The following APC variants were observed in gnomAD, a reference collection of about 807,000 sequenced individuals.
APC encodes APC regulator of Wnt signaling pathway.
APC carries 72 observed loss-of-function variants against 247.0 expected under a neutral mutation model. That is an observed-to-expected ratio of 0.29 (90% CI 0.24 to 0.35). The LOEUF (loss-of-function observed/expected upper bound fraction) is 0.35. Ranked by LOEUF, APC falls within the 10% of genes least tolerant of loss-of-function variation. APC has a pLI of 1.00. For missense variants in APC, 3,400 were observed against 3,360.7 expected (o/e 1.01, Z -0.29); for synonymous variants, 1,254 against 1,162.5 (o/e 1.08, Z -1.60).
intron 1 of APC, among the ~76,000 whole-genome samples, chr5:112,711,558 A>T (rs763425500): frequency 1.3e-5 from 2 of 152,202 alleles, no homozygotes; most frequent in African/African-American, 2.4e-5. Context: ...AATGGGATTT[A>T]AAAATGAAAG....
chr5:112,844,248 AG>A lies in APC; in HGVS notation c.*125del, dbSNP rs1475210334. 2.1e-6 allele frequency: 2 copies of A among 950,790 alleles called. No individual in the cohort carries two copies. The highest frequency in any genetic ancestry group is 3.1e-6 in the Non-Finnish European group (2 of 641,768). The allele number at this position is 950,790 out of a possible 1,614,324, so 58.9% of individuals were successfully genotyped here. ...TGTAAATAGGTTTGATTCTTGTTAGAGGGTTTTTGTTCTGGAAGCCATATTT... is the reference window on the plus strand; with the variant it reads ...TGTAAATAGGTTTGATTCTTGTTAGAGGTTTTTGTTCTGGAAGCCATATTT... On this transcript the variant is annotated 3_prime_UTR_variant, in exon 16 of 16. Coordinates refer to ENST00000257430, the MANE Select transcript of APC (RefSeq NM_000038.6).
At chr5:112,831,112 A>AT (rs1561561374) in intron 14 of APC, among the ~76,000 whole-genome samples, 2 of 151,362 alleles carry the variant, frequency 1.3e-5, no homozygotes, top group Non-Finnish European at 2.9e-5. Flanking sequence ...CTCTTCTATA[A>AT]ATTTTTTTTT....
rs753228011 is a variant in APC at position 112,841,977 on chromosome 5, C to G, written c.6383C>G (p.Ala2128Gly). 4 of 1,613,338 alleles carry G rather than the reference C, an allele frequency of 2.5e-6. No individual in the cohort carries two copies. Among genetic ancestry groups the G allele is most frequent in the South Asian group, 2.2e-5 (2 of 91,064 alleles). Reference protein sequence around the residue: ...AAAAACLSRQASSDSDSILSL... With the variant: ...AAAAACLSRQGSSDSDSILSL... ...GCTGCTGCATGTTTATCTAGACAAG[C>G]TTCGTCTGATTCAGATTCCATCCTT... Residue 2128 changes from alanine (A) to glycine (G), a missense_variant, in exon 16 of 16, where the codon GCT becomes GGT. Physicochemically the swap from Ala to Gly is moderately conservative, Grantham distance 60 (BLOSUM62 0). This residue lies in a region of APC where 1,788 missense variants were observed against 1,649.5 expected (regional missense o/e 1.08). Transcript: ENST00000257430. This position sits in a 1 kb window ranked among gnomAD's most constrained non-coding sequence, Gnocchi z 4.6.
At chr5:112,774,718 C>A (rs576567803) in intron 4 of APC, among the ~76,000 whole-genome samples, 77 of 152,048 alleles carry the variant, frequency 5.1e-4, no homozygotes, top group Middle Eastern at 3.4e-3. Flanking sequence ...CTCAAGTGAT[C>A]CACCTGCCTC....
chr5:112,712,613 C>T (rs1475675225), intron 1 of APC, among the ~76,000 whole-genome samples: 1 of 150,394 alleles, frequency 6.6e-6, no homozygotes, highest in Non-Finnish European at 1.5e-5. Context: ...AGGCTGGTGT[C>T]AAACTCCTGG....
At chr5:112,794,684 GTTA>G (rs1304482613) in intron 7 of APC, among the ~76,000 whole-genome samples, 3 of 152,024 alleles carry the variant, frequency 2.0e-5, no homozygotes, top group African/African-American at 4.8e-5. Context: ...GCCCCAACAG[GTTA>G]AGAGCCGACT....
At position 112,838,141 on chromosome 5, in the gene APC, T is replaced by G. The variant is rs766086010; in HGVS notation, c.2547T>G (p.Asp849Glu). 5.0e-6 allele frequency: 8 copies of G among 1,614,158 alleles called. No individual in the cohort carries two copies. Among genetic ancestry groups the G allele is most frequent in the Non-Finnish European group, 6.8e-6 (8 of 1,180,028 alleles). Residue 849 changes from aspartate (D) to glutamate (E), a missense_variant, in exon 16 of 16, where the codon GAT (aspartate) becomes GAG (glutamate). Physicochemically the swap from Asp to Glu is conservative, Grantham distance 45. Around this residue, in one of 9 missense-constraint regions of APC, gnomAD observed 715 missense variants for 656.6 expected, o/e 1.09. Transcript: ENST00000257430. ...TAGATAGTTCTCGTTCTGAAAAAGA[T>G]AGAAGTTTGGAGAGAGAACGCGGAA... ...GSLDSSRSEK[D>E]RSLERERGIG... is the part of the protein sequence containing the mutation.
chr5:112,790,510 T>C (rs1238647230), intron 6 of APC, among the ~76,000 whole-genome samples: 1 of 152,108 alleles, frequency 6.6e-6, no homozygotes, highest in African/African-American at 2.4e-5. Context: ...TTTGTATTTT[T>C]AGTAGAGACG....
At chr5:112,749,495 T>C (rs1754060792) in intron 1 of APC, among the ~76,000 whole-genome samples, 1 of 143,434 alleles carries the variant, frequency 7.0e-6, no homozygotes, top group African/African-American at 2.8e-5. Context: ...TTTTTTTTTT[T>C]TTTTTTTGAT....
intron 8 of APC, among the ~76,000 whole-genome samples, chr5:112,804,692 T>A (rs1290781067): frequency 3.3e-5 from 5 of 152,182 alleles, no homozygotes; most frequent in Admixed American, 6.5e-5. Context: ...ACAACTTTTT[T>A]AATTTAAAAA....
chr5:112,815,746 G>A (rs990017297), intron 9 of APC, among the ~76,000 whole-genome samples, 153 bp downstream of exon 9: 1 of 152,070 alleles, frequency 6.6e-6, no homozygotes, highest in Admixed American at 6.6e-5. Flanking sequence ...GACCAGCCTG[G>A]GCAACGTGGC....
Position 112,838,385 on chromosome 5 carries a change from C to T in APC, c.2791C>T (p.His931Tyr), listed in dbSNP as rs1169039793. ...ALRRSSAAHT[H>Y]SNTYNFTKSE... ...TAGAAGAAGCTCTGCTGCCCATACACATTCAAACACTTACAATTTCACTAA... is the reference window on the plus strand; with the variant it reads ...TAGAAGAAGCTCTGCTGCCCATACATATTCAAACACTTACAATTTCACTAA... Residue 931 changes from histidine (H) to tyrosine (Y), a missense_variant, in exon 16 of 16, where the codon CAT (histidine) becomes TAT (tyrosine). By Grantham distance (83) the His-to-Tyr change is moderately conservative. Coordinates refer to ENST00000257430, the MANE Select transcript of APC (RefSeq NM_000038.6). The T allele has an allele frequency of 2.5e-6, 4 of 1,614,198 alleles. No individual in the cohort carries two copies. The highest frequency in any genetic ancestry group is 4.5e-5 in the East Asian group (2 of 44,888).
At chr5:112,709,204 T>TTA (rs1446489133) in intron 1 of APC, among the ~76,000 whole-genome samples, 1 of 152,200 alleles carries the variant, frequency 6.6e-6, no homozygotes, top group Non-Finnish European at 1.5e-5. Flanking sequence ...TGTATTAGAA[T>TTA]TGTATGTTAA....
intron 1 of APC, among the ~76,000 whole-genome samples, chr5:112,724,735 C>G (rs1386045507): frequency 6.6e-6 from 1 of 151,994 alleles, no homozygotes; most frequent in African/African-American, 2.4e-5. Flanking sequence ...TAAGAACCTT[C>G]CAGTAAATGA....
intron 1 of APC, among the ~76,000 whole-genome samples, chr5:112,754,658 T>G (rs1754753652): frequency 6.6e-6 from 1 of 152,230 alleles, no homozygotes; most frequent in Non-Finnish European, 1.5e-5. Context: ...TTCTCTCTTC[T>G]ATTTTAATTT....
chr5:112,786,493 A>T (rs866099052), intron 6 of APC, among the ~76,000 whole-genome samples: 1 of 152,200 alleles, frequency 6.6e-6, no homozygotes, highest in Non-Finnish European at 1.5e-5. Flanking sequence ...TTCCATAGGC[A>T]TGTAAGCAAA....
At chr5:112,709,358 G>C (rs1750716205) in intron 1 of APC, among the ~76,000 whole-genome samples, 1 of 152,130 alleles carries the variant, frequency 6.6e-6, no homozygotes, top group Non-Finnish European at 1.5e-5. Flanking sequence ...GAATTGTTCA[G>C]CTTAAAAGAA....
chr5:112,842,826 A>C lies in APC; in HGVS notation c.7232A>C (p.Asn2411Thr). ...CAGATGAATAATGGTAATGGAGCCA[A>C]TAAAAAGGTAGAACTTTCTAGAATG... Reference protein sequence around the residue: ...LNQMNNGNGANKKVELSRMSS... With the variant: ...LNQMNNGNGATKKVELSRMSS... Residue 2411 changes from asparagine to threonine, a missense_variant, in exon 16 of 16, where the codon AAT becomes ACT. Asn to Thr is a moderately conservative substitution (Grantham distance 65, BLOSUM62 0). Around this residue, in one of 9 missense-constraint regions of APC, gnomAD observed 1,788 missense variants for 1,649.5 expected, o/e 1.08. Transcript: ENST00000257430. 6.2e-7 allele frequency: 1 copy of C among 1,613,808 alleles called. No homozygotes were observed. The highest frequency in any genetic ancestry group is 8.5e-7 in the Non-Finnish European group (1 of 1,179,774).
intron 12 of APC, 45 bp downstream of exon 12, chr5:112,827,292 G>A (rs1460566096): frequency 6.2e-7 from 1 of 1,600,822 alleles, no homozygotes. Flanking sequence ...TCAGGTATGA[G>A]TTAATTTACT....
Sources: gnomAD v4.1 joint callset for allele counts (sites outside exome capture counted in the v4.1 genomes callset) on GRCh38, gnomAD v4.1.1 for gene constraint, gnomAD v4.1.1 regional missense constraint, Gnocchi (gnomAD v3.1) non-coding constraint, MANE v1.5 for transcripts, NCBI Gene and HGNC (gene_info 2026-07-23, HGNC 2026-07-21) for gene names.